The following ATXN7L1 variants were observed in gnomAD, a reference collection of about 807,000 sequenced individuals.
ATXN7L1 encodes ataxin 7 like 1.
Under a neutral mutation model 70.8 loss-of-function variants are expected in ATXN7L1, and 15 were observed. That is an observed-to-expected ratio of 0.21 (90% CI 0.14 to 0.33). The LOEUF (loss-of-function observed/expected upper bound fraction) is 0.33. ATXN7L1 is among the 10% of genes least tolerant of loss of function. The pLI is 1.00. For synonymous variants in ATXN7L1, 440 were observed against 445.1 expected (o/e 0.99, Z 0.14); for missense variants, 975 against 1,097.1 (o/e 0.89, Z 1.57).
chr7:105,651,918 T>C (rs1348542891), intron 4 of ATXN7L1, among the ~76,000 whole-genome samples: 1 of 152,176 alleles, frequency 6.6e-6, no homozygotes, highest in Non-Finnish European at 1.5e-5. Flanking sequence ...TCCAATTTTC[T>C]GGAAGCAGGA....
intron 3 of ATXN7L1, among the ~76,000 whole-genome samples, chr7:105,742,005 C>T (rs1294655924): frequency 1.3e-5 from 2 of 152,218 alleles, no homozygotes; most frequent in Non-Finnish European, 2.9e-5. Context: ...GCCTCCAGAA[C>T]TGTGAGATAC....
intron 9 of ATXN7L1, among the ~76,000 whole-genome samples, chr7:105,615,758 C>A (rs540933845): frequency 2.0e-4 from 30 of 152,262 alleles, no homozygotes; most frequent in Admixed American, 6.5e-4. Flanking sequence ...AGGAGAAAAA[C>A]AGGAGGGAAG....
chr7:105,845,068 C>T (rs977707895), intron 2 of ATXN7L1, among the ~76,000 whole-genome samples: 2 of 151,320 alleles, frequency 1.3e-5, no homozygotes, highest in African/African-American at 2.4e-5. Flanking sequence ...AGCCGGGCAT[C>T]GTGGCGGGTG....
In ATXN7L1 at chr7:105,614,315, A is replaced by T; in HGVS notation, c.2019T>A (p.Pro673=). The T allele has an allele frequency of 6.4e-7, 1 of 1,552,234 alleles. No individual in the cohort carries two copies. Among genetic ancestry groups the T allele is most frequent in the South Asian group, 1.2e-5 (1 of 84,054 alleles). ...CATTCAAAACACAGTTCTTTTTGTG[A>T]GGCCCTGACAGTGGAGACGAGAGGG... is the stretch of plus-strand genomic sequence containing the variant. The part of the protein sequence containing the change: ...QTSLSSPLSG[P]HKKNCVLNAS... Residue 673 remains proline, a synonymous_variant, in exon 10 of 12, where the codon CCT becomes CCA. Coordinates refer to ENST00000419735, the MANE Select transcript of ATXN7L1 (RefSeq NM_020725.2). The surrounding 1 kb of genome is among the most constrained non-coding windows in gnomAD (Gnocchi z 4.3).
chr7:105,657,152 C>T (rs1008161064), intron 4 of ATXN7L1, among the ~76,000 whole-genome samples: 19 of 152,278 alleles, frequency 1.2e-4, no homozygotes, highest in African/African-American at 4.3e-4. Flanking sequence ...AGCAATGGAA[C>T]GAACTTGGGC....
chr7:105,651,627 G>T (rs991584075), intron 4 of ATXN7L1, among the ~76,000 whole-genome samples: 2 of 152,158 alleles, frequency 1.3e-5, no homozygotes, highest in African/African-American at 2.4e-5. Flanking sequence ...AACGAGGTGG[G>T]GCCAGATTCA....
At chr7:105,779,084 C>T (rs960841301) in intron 3 of ATXN7L1, among the ~76,000 whole-genome samples, 7 of 152,198 alleles carry the variant, frequency 4.6e-5, no homozygotes, top group African/African-American at 1.4e-4. Context: ...GGTATTGCAG[C>T]GAGTTTGAGA....
rs528232559 is a variant in ATXN7L1 at position 105,727,758 on chromosome 7, A to G, written c.355+60846T>C. Among the ~76,000 whole-genome samples the G allele has an allele frequency of 6.0e-3, 532 of 88,442 alleles. 32 individuals are homozygous for G. The highest frequency in any genetic ancestry group is 0.021 in the African/African-American group (473 of 22,106). The allele number at this position is 88,442 out of a possible 152,430, so 58.0% of individuals were successfully genotyped here. On this transcript the variant is annotated intron_variant, in intron 3 of 11. Coordinates refer to ENST00000419735, the MANE Select transcript of ATXN7L1 (RefSeq NM_020725.2). ...TGTGTGTATGTGTGTATATATATAT[A>G]TATATATATATATATATATACACAC...
intron 7 of ATXN7L1, among the ~76,000 whole-genome samples, chr7:105,636,892 T>G (rs1430790549): frequency 6.6e-6 from 1 of 152,170 alleles, no homozygotes; most frequent in Non-Finnish European, 1.5e-5. Context: ...TGTGCTGGAA[T>G]GAAAATGTTC....
intron 3 of ATXN7L1, among the ~76,000 whole-genome samples, chr7:105,687,078 G>A (rs997022469): frequency 2.3e-4 from 35 of 152,318 alleles, no homozygotes; most frequent in African/African-American, 7.9e-4. Flanking sequence ...CCATATGAAA[G>A]CTAATTCAGA....
At chr7:105,770,976 C>T (rs754568366) in intron 3 of ATXN7L1, among the ~76,000 whole-genome samples, 2 of 151,876 alleles carry the variant, frequency 1.3e-5, no homozygotes, top group South Asian at 2.1e-4. Flanking sequence ...CCGAGGCAGG[C>T]GGATCACGAG....
At position 105,867,072 on chromosome 7, in the gene ATXN7L1, C is replaced by T. The variant is rs1453198108; in HGVS notation, c.250+8740G>A. On this transcript the variant is annotated intron_variant, in intron 2 of 11. Transcript: ENST00000419735. Reference sequence around the variant, plus strand: ...GCCTAACTTTTCTAAATCAATTCTGCAGCAGAGACGGCAGGCCCCTGGGAA... The same window carrying T: ...GCCTAACTTTTCTAAATCAATTCTGTAGCAGAGACGGCAGGCCCCTGGGAA... Among the ~76,000 whole-genome samples the T allele has an allele frequency of 2.0e-5, 3 of 152,192 alleles. No homozygotes were observed. In the East Asian group the frequency reaches 5.8e-4, roughly 29 times the overall value.
intron 3 of ATXN7L1, among the ~76,000 whole-genome samples, chr7:105,773,949 A>G (rs1278369322): frequency 2.6e-5 from 4 of 152,174 alleles, no homozygotes; most frequent in Admixed American, 6.5e-5. Flanking sequence ...CAAAAAGTCC[A>G]GTGGTTTCTT....
At chr7:105,790,401 G>T (rs1804962803) in intron 2 of ATXN7L1, among the ~76,000 whole-genome samples, 1 of 151,950 alleles carries the variant, frequency 6.6e-6, no homozygotes, top group African/African-American at 2.4e-5. Flanking sequence ...AACGAAGTGA[G>T]ACCCCCATCT....
At chr7:105,608,661 C>T (rs1792893321) in intron 11 of ATXN7L1, among the ~76,000 whole-genome samples, 3 of 152,150 alleles carry the variant, frequency 2.0e-5, no homozygotes, top group Non-Finnish European at 4.4e-5. Context: ...CTTCCCACCC[C>T]AGCACACATG....
chr7:105,625,760 A>T (rs1795612366), intron 7 of ATXN7L1, among the ~76,000 whole-genome samples: 1 of 152,242 alleles, frequency 6.6e-6, no homozygotes, highest in African/African-American at 2.4e-5. Context: ...AGGCAGTAAA[A>T]AACAAAACAA....
chr7:105,712,133 G>T (rs971124967), intron 3 of ATXN7L1, among the ~76,000 whole-genome samples: 2 of 152,220 alleles, frequency 1.3e-5, no homozygotes, highest in Non-Finnish European at 2.9e-5. Context: ...GCTGTGGCTG[G>T]AGCTGGAGCG....
intron 3 of ATXN7L1, among the ~76,000 whole-genome samples, chr7:105,783,871 T>TC (rs1803887677): frequency 6.6e-6 from 1 of 152,214 alleles, no homozygotes; most frequent in South Asian, 2.1e-4. Flanking sequence ...TGGGGACCTA[T>TC]TACTTGTGAC....
intron 2 of ATXN7L1, among the ~76,000 whole-genome samples, chr7:105,861,388 G>A (rs1816612138): frequency 6.6e-6 from 1 of 151,870 alleles, no homozygotes; most frequent in Non-Finnish European, 1.5e-5. Flanking sequence ...ATCTAGGTAG[G>A]CTATGAGGCA....
Sources: allele counts gnomAD v4.1 joint callset (sites outside exome capture counted in the v4.1 genomes callset), GRCh38; gene constraint gnomAD v4.1.1; non-coding constraint Gnocchi (gnomAD v3.1); transcripts MANE v1.5; gene names NCBI Gene and HGNC (gene_info 2026-07-23, HGNC 2026-07-21).